BTRC: variants seen among roughly 807,000 people sequenced by gnomAD.
BTRC encodes F-box/WD repeat-containing protein 1A.
Under a neutral mutation model 85.5 loss-of-function variants are expected in BTRC, and 42 were observed. That is an observed-to-expected ratio of 0.49 (90% CI 0.38 to 0.64). BTRC has a LOEUF of 0.64. Among genes scored for constraint, BTRC ranks in the 30% least tolerant of loss-of-function variants. The pLI, the probability that BTRC is intolerant of heterozygous loss-of-function variation, is 0.00. For synonymous variants in BTRC, 255 were observed against 263.3 expected (o/e 0.97, Z 0.30); for missense variants, 594 against 743.5 (o/e 0.80, Z 2.34).
At chr10:101,414,666 G>A in intron 1 of BTRC, 1 of 518,046 alleles carries the variant, frequency 1.9e-6, no homozygotes, top group Non-Finnish European at 3.9e-6. Flanking sequence ...ACCTTCCAGT[G>A]CCATAAGCTA....
intron 4 of BTRC, among the ~76,000 whole-genome samples, chr10:101,489,767 C>T (rs557289519): frequency 2.4e-4 from 36 of 152,146 alleles, no homozygotes; most frequent in African/African-American, 7.5e-4. Context: ...GTGTTTCTGC[C>T]GGTATTTGTT....
intron 5 of BTRC, among the ~76,000 whole-genome samples, chr10:101,522,357 A>C (rs956802408): frequency 2.2e-5 from 2 of 90,622 alleles, no homozygotes; most frequent in South Asian, 3.3e-4. Flanking sequence ...AGCTTTAAAA[A>C]AAAAAAAAAC....
chr10:101,403,250 A>C (rs1162639816), intron 1 of BTRC, among the ~76,000 whole-genome samples: 2 of 152,222 alleles, frequency 1.3e-5, no homozygotes, highest in Non-Finnish European at 2.9e-5. Flanking sequence ...TTTAAGCAAG[A>C]AGGGAGAGTA....
chr10:101,390,356 G>T (rs61874003), intron 1 of BTRC, among the ~76,000 whole-genome samples: 6 of 117,254 alleles, frequency 5.1e-5, no homozygotes, highest in Admixed American at 3.0e-4. Flanking sequence ...TTTTTTTTCC[G>T]AGACGGAGTC....
Position 101,532,799 on chromosome 10 carries a change from C to T in BTRC, c.979-153C>T, listed in dbSNP as rs1050114048. 5.0e-4 allele frequency among the ~76,000 whole-genome samples: 72 copies of T among 144,770 alleles called. 1 individual carries two copies. The highest frequency in any genetic ancestry group is 2.4e-3 in the Admixed American group (34 of 14,284). 95.0% of individuals were successfully genotyped at this position (144,770 alleles called of 152,430 possible). A position where few individuals can be genotyped will look rare whatever the true frequency, so the allele number is the denominator to read the frequency against. On this transcript the variant is annotated intron_variant, in intron 8 of 14. Coordinates refer to ENST00000370187, the MANE Select transcript of BTRC (RefSeq NM_033637.4). ...GTGTGTGTGTGTGTGTGCGCGTGTG[C>T]GCGCGCGCGCGCTTAGCTATACCTA...
chr10:101,381,363 A>C (rs778658969), intron 1 of BTRC, among the ~76,000 whole-genome samples: 3 of 152,186 alleles, frequency 2.0e-5, no homozygotes, highest in African/African-American at 7.2e-5. Context: ...CTAGCTCCAG[A>C]GTGAGTGTGG....
chr10:101,385,829 GT>G (rs11422355), intron 1 of BTRC, among the ~76,000 whole-genome samples: 4 of 145,592 alleles, frequency 2.7e-5, no homozygotes, highest in East Asian at 2.0e-4. Context: ...GATCTAGCTT[GT>G]TTTTTTTTTG....
At chr10:101,486,180 G>A (rs954819864) in intron 4 of BTRC, among the ~76,000 whole-genome samples, 2 of 152,118 alleles carry the variant, frequency 1.3e-5, no homozygotes, top group African/African-American at 4.8e-5. Context: ...TAATCTTACC[G>A]GTGGGAGCAA....
intron 1 of BTRC, among the ~76,000 whole-genome samples, chr10:101,421,693 A>G (rs904189876): frequency 3.7e-5 from 5 of 134,222 alleles, no homozygotes; most frequent in African/African-American, 1.1e-4. Flanking sequence ...TCATTGTTCA[A>G]TTCCCACCAA....
chr10:101,381,028 A>T lies in BTRC; in HGVS notation c.48+26800A>T, dbSNP rs530205770. On this transcript the variant is annotated intron_variant, in intron 1 of 14. Transcript: ENST00000370187. ...GGTAAAAATACAGTGTTATAATTTT[A>T]TGAGACCACTGTTGCATATCTGACC... Among the ~76,000 whole-genome samples the T allele has an allele frequency of 2.0e-5, 3 of 152,274 alleles. No homozygotes were observed. In the East Asian group the frequency reaches 5.8e-4, roughly 29 times the overall value.
intron 1 of BTRC, among the ~76,000 whole-genome samples, chr10:101,371,275 G>A (rs1397518759): frequency 1.3e-5 from 2 of 151,554 alleles, no homozygotes; most frequent in African/African-American, 2.4e-5. Flanking sequence ...TGCAGACTCC[G>A]CCAAGCAATT....
chr10:101,482,353 T>G (rs112345974), intron 4 of BTRC, among the ~76,000 whole-genome samples: 47 of 151,548 alleles, frequency 3.1e-4, no homozygotes, highest in African/African-American at 1.1e-3. Flanking sequence ...ATGTGTTTTG[T>G]GTGTCTCATG....
chr10:101,354,974 T>C (rs1219384233), intron 1 of BTRC, among the ~76,000 whole-genome samples: 1 of 152,120 alleles, frequency 6.6e-6, no homozygotes, highest in Non-Finnish European at 1.5e-5. Context: ...GAGGGGTACA[T>C]AACGCTACTT....
At chr10:101,544,151 C>T (rs893799309) in intron 13 of BTRC, among the ~76,000 whole-genome samples, 3 of 152,128 alleles carry the variant, frequency 2.0e-5, no homozygotes, top group South Asian at 4.1e-4. Context: ...CCTCGTGATC[C>T]GCCCGCCTCA....
chr10:101,369,362 A>C (rs1942568557), intron 1 of BTRC, among the ~76,000 whole-genome samples: 1 of 151,972 alleles, frequency 6.6e-6, no homozygotes, highest in Non-Finnish European at 1.5e-5. Context: ...GAGAGGCATG[A>C]GCCTCATTAT....
rs768907407 is a variant in BTRC at position 101,481,944 on chromosome 10, A to G, written c.324+2487A>G. On this transcript the variant is annotated intron_variant, in intron 4 of 14. Coordinates refer to ENST00000370187, the MANE Select transcript of BTRC (RefSeq NM_033637.4). ...ATAATCAGTTGGTCAATGTCAAATA[A>G]AAACACATAGCTGAAAAATTTTCTT... 2.9e-4 allele frequency among the ~76,000 whole-genome samples: 44 copies of G among 152,338 alleles called. 1 individual carries two copies. The Middle Eastern group carries it at 0.01, about 35-fold the overall frequency.
chr10:101,458,818 A>C (rs1003242937), intron 2 of BTRC, among the ~76,000 whole-genome samples: 39 of 152,324 alleles, frequency 2.6e-4, no homozygotes, highest in African/African-American at 9.4e-4. Context: ...AAAGGCACAT[A>C]ATCTTAAGGT....
chr10:101,431,452 T>C lies in BTRC; in HGVS notation c.156+1000T>C, dbSNP rs192201502. On this transcript the variant is annotated intron_variant, in intron 2 of 14. Coordinates refer to ENST00000370187, the MANE Select transcript of BTRC (RefSeq NM_033637.4). ...ACTTATAGAGAAATAATGTGGAAAA[T>C]TGTAGACAAAAACGTAGGAAAGAGT... 2.3e-4 allele frequency among the ~76,000 whole-genome samples: 35 copies of C among 152,184 alleles called. No homozygotes were observed. The East Asian group carries it at 6.4e-3, about 28-fold the overall frequency.
At chr10:101,511,293 T>G (rs909205771) in intron 4 of BTRC, among the ~76,000 whole-genome samples, 1 of 151,912 alleles carries the variant, frequency 6.6e-6, no homozygotes, top group Non-Finnish European at 1.5e-5. Flanking sequence ...TCTAGAAGGA[T>G]CTTCCCCAAG....
Sources: allele counts gnomAD v4.1 joint callset (sites outside exome capture counted in the v4.1 genomes callset), GRCh38; gene constraint gnomAD v4.1.1; transcripts MANE v1.5; gene names NCBI Gene and HGNC (gene_info 2026-07-23, HGNC 2026-07-21).